CNTN5: variants seen among roughly 807,000 people sequenced by gnomAD.
CNTN5 encodes contactin-5.
CNTN5 carries 77 observed loss-of-function variants against 129.1 expected under a neutral mutation model. That is an observed-to-expected ratio of 0.60 (90% CI 0.50 to 0.72). The LOEUF (loss-of-function observed/expected upper bound fraction) is 0.72. Among genes scored for constraint, CNTN5 ranks in the 30% least tolerant of loss-of-function variants. CNTN5 has a pLI of 0.00. For synonymous variants in CNTN5, 509 were observed against 465.6 expected (o/e 1.09, Z -1.20); for missense variants, 1,478 against 1,328.8 (o/e 1.11, Z -1.75).
intron 3 of CNTN5, among the ~76,000 whole-genome samples, chr11:99,728,539 T>C (rs754931514): frequency 2.6e-5 from 4 of 151,850 alleles, no homozygotes; most frequent in Non-Finnish European, 5.9e-5. Flanking sequence ...TTTTTAGAAA[T>C]AAATAGATAA....
At chr11:99,468,941 G>A (rs11220060) in intron 2 of CNTN5, among the ~76,000 whole-genome samples, 1,910 of 151,906 alleles carry the variant, frequency 0.013, 35 homozygotes, top group African/African-American at 0.043. Context: ...TAGGATTAAC[G>A]GAAAAAGAAA....
intron 21 of CNTN5, among the ~76,000 whole-genome samples, chr11:100,322,620 T>C (rs1023166227): frequency 3.9e-5 from 6 of 152,214 alleles, no homozygotes; most frequent in Non-Finnish European, 1.5e-5. Context: ...GTTGGGTCTG[T>C]TATGAATAAC....
intron 13 of CNTN5, among the ~76,000 whole-genome samples, chr11:100,113,144 G>A (rs2138125119): frequency 6.6e-6 from 1 of 151,894 alleles, no homozygotes; most frequent in African/African-American, 2.4e-5. Context: ...TCAGACAACT[G>A]TTCTGTATCT....
At chr11:100,082,261 A>C (rs1255821752) in intron 13 of CNTN5, among the ~76,000 whole-genome samples, 3 of 152,156 alleles carry the variant, frequency 2.0e-5, no homozygotes, top group Non-Finnish European at 4.4e-5. Context: ...TTTACAAAAA[A>C]CAGATATATT....
intron 15 of CNTN5, among the ~76,000 whole-genome samples, chr11:100,221,438 G>C (rs1336517604): frequency 2.6e-5 from 4 of 152,200 alleles, no homozygotes; most frequent in African/African-American, 9.7e-5. Context: ...GTCTTACGTT[G>C]GATGAGCAGG....
At chr11:100,072,378 GATAA>G (rs1346399550) in intron 12 of CNTN5, among the ~76,000 whole-genome samples, 1 of 152,156 alleles carries the variant, frequency 6.6e-6, no homozygotes, top group Non-Finnish European at 1.5e-5. Context: ...TTACACCCTT[GATAA>G]GAATGTAACC....
chr11:100,068,724 A>G (rs1943789077), intron 10 of CNTN5, among the ~76,000 whole-genome samples: 1 of 152,226 alleles, frequency 6.6e-6, no homozygotes. Context: ...AGATTTTTGA[A>G]TGATAGCTTG....
chr11:100,184,745 T>G (rs1948245125), intron 13 of CNTN5, among the ~76,000 whole-genome samples: 1 of 152,156 alleles, frequency 6.6e-6, no homozygotes. Flanking sequence ...AGTGGAAAAC[T>G]ATTACTTTTC....
chr11:99,956,690 C>T, intron 7 of CNTN5, 116 bp from the exon 8 acceptor site: 1 of 668,480 alleles, frequency 1.5e-6, no homozygotes. Flanking sequence ...ATACATGGAT[C>T]AAATATGTAT....
At chr11:100,183,206 C>T (rs906817402) in intron 13 of CNTN5, among the ~76,000 whole-genome samples, 16 of 152,076 alleles carry the variant, frequency 1.1e-4, no homozygotes, top group African/African-American at 3.6e-4. Context: ...AAAAGGTAAA[C>T]GTAAGCATAA....
intron 1 of CNTN5, among the ~76,000 whole-genome samples, chr11:99,071,710 A>G (rs1676939228): frequency 1.3e-5 from 2 of 152,248 alleles, no homozygotes; most frequent in African/African-American, 2.4e-5. Flanking sequence ...TGCTTACTCA[A>G]ATCATTTGCT....
Position 99,803,559 on chromosome 11 carries a change from A to T in CNTN5, c.56-15985A>T, listed in dbSNP as rs115036840. Among the ~76,000 whole-genome samples the T allele has an allele frequency of 6.1e-3, 922 of 152,280 alleles. 19 individuals carry two copies. Among genetic ancestry groups the T allele is most frequent in the African/African-American group, 0.02 (835 of 41,554 alleles). On this transcript the variant is annotated intron_variant, in intron 3 of 24. Transcript: ENST00000524871. ...TGCTCTTGGTCCTGAGTTTGGGAAA[A>T]TGCCCACAGTTTTTGCTGGTGTCTT...
rs144554382 is a variant in CNTN5 at position 99,768,882 on chromosome 11, A to G, written c.56-50662A>G. The stretch of plus-strand genomic sequence containing the variant: ...CTATGTAAATATTATGCTACTCCAC[A>G]GTTTTATATAATGGATTTAACATCT... On this transcript the variant is annotated intron_variant, in intron 3 of 24. Coordinates refer to ENST00000524871, the MANE Select transcript of CNTN5 (RefSeq NM_014361.4). Among the ~76,000 whole-genome samples the G allele has an allele frequency of 2.7e-3, 406 of 152,258 alleles. 1 individual carries two copies. Among genetic ancestry groups the G allele is most frequent in the African/African-American group, 9.3e-3 (387 of 41,576 alleles).
intron 18 of CNTN5, among the ~76,000 whole-genome samples, chr11:100,272,040 G>T (rs2165662): frequency 0.59 from 89,311 of 152,000 alleles, 27,177 homozygotes; most frequent in East Asian, 0.84. Flanking sequence ...ACACAAACAT[G>T]AATGTTGATA....
chr11:99,777,618 T>G lies in CNTN5; in HGVS notation c.56-41926T>G, dbSNP rs559499356. Among the ~76,000 whole-genome samples, 91 of 151,952 alleles carry G rather than the reference T, an allele frequency of 6.0e-4. 3 individuals are homozygous for G. In the South Asian group the frequency reaches 0.018, roughly 29 times the overall value. On this transcript the variant is annotated intron_variant, in intron 3 of 24. Transcript: ENST00000524871. Reference sequence around the variant, plus strand: ...GATAAAAAAAATTGTTCTTGACAGTTTTTTTCTGTTAGACTAGTAAATGTG... The same window carrying G: ...GATAAAAAAAATTGTTCTTGACAGTGTTTTTCTGTTAGACTAGTAAATGTG...
chr11:99,796,282 TG>T (rs1284234640), intron 3 of CNTN5, among the ~76,000 whole-genome samples: 3 of 151,708 alleles, frequency 2.0e-5, no homozygotes, highest in Non-Finnish European at 4.4e-5. Flanking sequence ...AGTCAGGGAG[TG>T]GCAGGGTGTG....
At chr11:99,986,633 T>A (rs998123875) in intron 8 of CNTN5, among the ~76,000 whole-genome samples, 1 of 152,190 alleles carries the variant, frequency 6.6e-6, no homozygotes, top group African/African-American at 2.4e-5. Context: ...AATTAACCAT[T>A]TTATGATTTC....
chr11:99,673,454 A>G (rs2135952664), intron 3 of CNTN5, among the ~76,000 whole-genome samples: 1 of 152,254 alleles, frequency 6.6e-6, no homozygotes, highest in African/African-American at 2.4e-5. Context: ...TCCTTTTTTA[A>G]GTTCAGGGAT....
At chr11:100,083,057 G>A (rs190018570) in intron 13 of CNTN5, among the ~76,000 whole-genome samples, 3 of 151,992 alleles carry the variant, frequency 2.0e-5, no homozygotes, top group African/African-American at 4.8e-5. Flanking sequence ...GGTTCACACC[G>A]GTAATCCCAG....
Sources: gnomAD v4.1 joint callset for allele counts (sites outside exome capture counted in the v4.1 genomes callset) on GRCh38, gnomAD v4.1.1 for gene constraint, MANE v1.5 for transcripts, NCBI Gene and HGNC (gene_info 2026-07-23, HGNC 2026-07-21) for gene names.